Variants in DDX50 observed in about 807,000 individuals in gnomAD.
The protein encoded by DDX50 is DExD-box helicase 50.
A neutral mutation model predicts 94.8 loss-of-function variants in DDX50; 56 were observed. That is an observed-to-expected ratio of 0.59 (90% CI 0.48 to 0.74). The LOEUF (loss-of-function observed/expected upper bound fraction) is 0.74. Among genes scored for constraint, DDX50 ranks in the 30% least tolerant of loss-of-function variants. The probability of loss-of-function intolerance (pLI) is 0.00; values close to 1 mark genes in which losing one functional copy is unlikely to be tolerated. For missense variants in DDX50, 713 were observed against 881.2 expected (o/e 0.81, Z 2.42); for synonymous variants, 264 against 295.4 (o/e 0.89, Z 1.09).
At chr10:68,940,943 G>A (rs1589273601) in intron 12 of DDX50, 117 bp from the exon 13 acceptor site, 1 of 1,377,202 alleles carries the variant, frequency 7.3e-7, no homozygotes, top group Non-Finnish European at 9.7e-7. Flanking sequence ...TAGCTGCAAT[G>A]TTATACTTTT....
chr10:68,904,144 C>CAAAAAAA (rs34351981), intron 1 of DDX50, among the ~76,000 whole-genome samples: 9 of 108,418 alleles, frequency 8.3e-5, no homozygotes, highest in African/African-American at 3.0e-4. Flanking sequence ...AACTCCGTCT[C>CAAAAAAA]AAAAAAAAAA....
At chr10:68,937,234 C>G in intron 12 of DDX50, 139 bp downstream of exon 12, 1 of 900,940 alleles carries the variant, frequency 1.1e-6, no homozygotes, top group Non-Finnish European at 1.5e-6. Context: ...TTATTTTCCT[C>G]TACTCCCTAA....
intron 8 of DDX50, among the ~76,000 whole-genome samples, chr10:68,924,876 T>G (rs1842039935): frequency 6.6e-6 from 1 of 152,118 alleles, no homozygotes; most frequent in Non-Finnish European, 1.5e-5. Flanking sequence ...CTCCAATCCC[T>G]GCAGACCTTA....
chr10:68,926,792 C>T (rs562685149), intron 8 of DDX50, among the ~76,000 whole-genome samples: 1 of 151,746 alleles, frequency 6.6e-6, no homozygotes, highest in Non-Finnish European at 1.5e-5. Context: ...CACACACACA[C>T]ACACACACAC....
intron 13 of DDX50, among the ~76,000 whole-genome samples, chr10:68,942,696 C>T (rs1468046119): frequency 6.6e-6 from 1 of 151,986 alleles, no homozygotes; most frequent in Non-Finnish European, 1.5e-5. Context: ...TCACTGCCAC[C>T]TCCGCCTCCC....
At chr10:68,944,632 C>T (rs941158764) in intron 14 of DDX50, among the ~76,000 whole-genome samples, 3 of 151,942 alleles carry the variant, frequency 2.0e-5, no homozygotes, top group African/African-American at 4.8e-5. Flanking sequence ...CTGCAACCTC[C>T]GCCTCCCGGG....
At position 68,935,992 on chromosome 10, in the gene DDX50, T is replaced by C; in HGVS notation, c.1522-14T>C. 6.4e-7 allele frequency: 1 copy of C among 1,568,276 alleles called. No individual in the cohort carries two copies. The highest frequency in any genetic ancestry group is 8.7e-7 in the Non-Finnish European group (1 of 1,150,998). On this transcript the variant is annotated splice_polypyrimidine_tract_variant and intron_variant, in intron 10 of 14. Coordinates refer to ENST00000373585, the MANE Select transcript of DDX50 (RefSeq NM_024045.2). ...GACTTCCATTTTTCTTTAATGTAAC[T>C]CTTTCATTTTCAGGGAATTACTTTT... is the stretch of plus-strand genomic sequence containing the variant.
chr10:68,931,432 A>ACACACACACACACACACACACACACAC (rs1261998646), intron 8 of DDX50, among the ~76,000 whole-genome samples: 12 of 61,498 alleles, frequency 2.0e-4, no homozygotes, highest in African/African-American at 7.7e-4. Context: ...TATATACACA[A>ACACACACACACACACACACACACACAC]ACACACACAC....
intron 8 of DDX50, among the ~76,000 whole-genome samples, chr10:68,925,495 A>G (rs1451695756): frequency 6.6e-6 from 1 of 152,094 alleles, no homozygotes; most frequent in Non-Finnish European, 1.5e-5. Context: ...TTGTTATCCT[A>G]GTTGATGTGT....
At chr10:68,915,338 G>A (rs376140495) in intron 7 of DDX50, among the ~76,000 whole-genome samples, 16 of 151,660 alleles carry the variant, frequency 1.1e-4, no homozygotes, top group South Asian at 2.1e-4. Context: ...GCGTGAATCC[G>A]GGAGGTGAAG....
chr10:68,923,395 A>G (rs1192603419), intron 8 of DDX50, among the ~76,000 whole-genome samples: 1 of 150,064 alleles, frequency 6.7e-6, no homozygotes, highest in Non-Finnish European at 1.5e-5. Context: ...TTTTGTAGAG[A>G]TGGGATTTCT....
At chr10:68,939,275 AG>A (rs1176409770) in intron 12 of DDX50, among the ~76,000 whole-genome samples, 8 of 152,208 alleles carry the variant, frequency 5.3e-5, no homozygotes, top group African/African-American at 1.9e-4. Flanking sequence ...CAAATGCTTA[AG>A]ACAGTATTTA....
intron 4 of DDX50, among the ~76,000 whole-genome samples, chr10:68,912,590 A>AT (rs935918696): frequency 2.0e-5 from 3 of 152,176 alleles, no homozygotes; most frequent in Admixed American, 6.5e-5. Context: ...TAGGTGTTTG[A>AT]TTTTGGGCAA....
chr10:68,926,921 C>G (rs970093573), intron 8 of DDX50, among the ~76,000 whole-genome samples: 2 of 150,736 alleles, frequency 1.3e-5, no homozygotes, highest in African/African-American at 4.9e-5. Context: ...CCCCTGTGTT[C>G]TTTTTTTTTG....
At position 68,944,108 on chromosome 10, in the gene DDX50, A is replaced by T. The variant is rs533431329; in HGVS notation, c.1935+851A>T. Among the ~76,000 whole-genome samples the T allele has an allele frequency of 1.6e-3, 246 of 152,316 alleles. No individual in the cohort carries two copies. In the South Asian group the frequency reaches 0.018, roughly 11 times the overall value. ...CATATTTCTAAATATTAATGACTTT[A>T]AAAAAGACCTTATCATAATACCATA... On this transcript the variant is annotated intron_variant, in intron 14 of 14. Coordinates refer to ENST00000373585, the MANE Select transcript of DDX50 (RefSeq NM_024045.2).
chr10:68,926,887 G>T (rs950870515), intron 8 of DDX50, among the ~76,000 whole-genome samples: 8 of 151,558 alleles, frequency 5.3e-5, no homozygotes, highest in African/African-American at 1.9e-4. Flanking sequence ...GTTCCTCTTA[G>T]GACAAATTAT....
In DDX50 at chr10:68,946,748, T is replaced by C; in HGVS notation, c.*118T>C. Reference sequence around the variant, plus strand: ...ATGTGTCTGCTATTTGCAAAGAAGTTGGTCGTATTTTTTTAAAAAGTATTT... The same window carrying C: ...ATGTGTCTGCTATTTGCAAAGAAGTCGGTCGTATTTTTTTAAAAAGTATTT... On this transcript the variant is annotated 3_prime_UTR_variant, in exon 15 of 15. Coordinates refer to ENST00000373585, the MANE Select transcript of DDX50 (RefSeq NM_024045.2). 7.5e-7 allele frequency: 1 copy of C among 1,326,674 alleles called. No homozygotes were observed. The highest frequency in any genetic ancestry group is 2.4e-5 in the Admixed American group (1 of 41,074). The allele number at this position is 1,326,674 out of a possible 1,614,324, so 82.2% of individuals were successfully genotyped here.
chr10:68,926,754 C>G (rs935712970), intron 8 of DDX50, among the ~76,000 whole-genome samples: 2 of 146,460 alleles, frequency 1.4e-5, no homozygotes, highest in Non-Finnish European at 3.0e-5. Flanking sequence ...ATTAAACAGT[C>G]TCTGTGTCTC....
At chr10:68,930,364 C>T (rs1842229057) in intron 8 of DDX50, among the ~76,000 whole-genome samples, 1 of 152,080 alleles carries the variant, frequency 6.6e-6, no homozygotes. Flanking sequence ...GTAATCCACC[C>T]GCCTTGCCCT....
Sources: allele counts gnomAD v4.1 joint callset (sites outside exome capture counted in the v4.1 genomes callset), GRCh38; gene constraint gnomAD v4.1.1; transcripts MANE v1.5; gene names NCBI Gene and HGNC (gene_info 2026-07-23, HGNC 2026-07-21).